The following DPP6 variants were observed in gnomAD, a reference collection of about 807,000 sequenced individuals.
DPP6 encodes the protein A-type potassium channel modulatory protein DPP6.
In DPP6, 69 loss-of-function variants were observed where a neutral mutation model predicts 122.6. That is an observed-to-expected ratio of 0.56 (90% CI 0.46 to 0.69). The LOEUF is 0.69. Ranked by LOEUF, DPP6 falls within the 30% of genes least tolerant of loss-of-function variation. The pLI is 0.00. For synonymous variants in DPP6, 418 were observed against 433.1 expected, an observed-to-expected ratio of 0.97 and a Z score of 0.43; for missense variants, 928 against 1,116.9, an observed-to-expected ratio of 0.83 and a Z score of 2.41.
intron 1 of DPP6, among the ~76,000 whole-genome samples, chr7:154,155,040 G>A (rs1322480724): frequency 2.0e-5 from 3 of 152,164 alleles, no homozygotes; most frequent in African/African-American, 2.4e-5. Context: ...ACAATCCCTC[G>A]ATCCTTGCCT....
At chr7:153,786,740 G>GAAAAAAA in the DPP6 span, among the ~76,000 whole-genome samples, 37 of 31,790 alleles carry the variant, frequency 1.2e-3, 1 homozygote, top group African/African-American at 2.1e-3. Context: ...CTCCGTCTCA[G>GAAAAAAA]AAAAAAAAAA....
intron 4 of DPP6, among the ~76,000 whole-genome samples, chr7:154,565,324 C>A (rs1830675465): frequency 6.6e-6 from 1 of 152,134 alleles, no homozygotes; most frequent in Non-Finnish European, 1.5e-5. Context: ...AACAAAGCAA[C>A]CATAAATAAC....
chr7:154,353,979 TA>T (rs1216158771), intron 1 of DPP6, among the ~76,000 whole-genome samples: 15 of 152,318 alleles, frequency 9.8e-5, no homozygotes, highest in Admixed American at 9.8e-4. Context: ...GGATGGGGCT[TA>T]TTCAGCACAT....
intron 1 of DPP6, among the ~76,000 whole-genome samples, chr7:154,193,668 G>A (rs10268648): frequency 0.042 from 6,450 of 152,182 alleles, 464 homozygotes; most frequent in African/African-American, 0.14. Flanking sequence ...TCTTCTCATG[G>A]TGGGCTCACA....
chr7:154,134,759 T>A (rs1300424400), intron 1 of DPP6, among the ~76,000 whole-genome samples: 1 of 152,090 alleles, frequency 6.6e-6, no homozygotes, highest in Non-Finnish European at 1.5e-5. Context: ...AGTGAACACC[T>A]CCTATGAGCC....
the DPP6 span, among the ~76,000 whole-genome samples, chr7:153,796,877 G>A: frequency 1.3e-5 from 2 of 152,316 alleles, no homozygotes; most frequent in Non-Finnish European, 2.9e-5. Context: ...TGGGTTTAGT[G>A]ACTTGCTTCT....
intron 1 of DPP6, among the ~76,000 whole-genome samples, chr7:154,322,882 C>T (rs1808098768): frequency 1.3e-5 from 2 of 152,222 alleles, no homozygotes; most frequent in East Asian, 1.9e-4. Context: ...ACACAACCGA[C>T]GTTATCAACC....
intron 1 of DPP6, among the ~76,000 whole-genome samples, chr7:153,934,756 T>C (rs1025310017): frequency 6.6e-6 from 1 of 151,886 alleles, no homozygotes; most frequent in East Asian, 2.0e-4. Context: ...CAAAACCCAC[T>C]TGCAGGAAAC....
chr7:154,529,232 G>T (rs1410852153), intron 3 of DPP6, among the ~76,000 whole-genome samples: 1 of 152,152 alleles, frequency 6.6e-6, no homozygotes, highest in East Asian at 1.9e-4. Context: ...AAATAATCCA[G>T]AGAGGGGATC....
chr7:153,975,002 C>T (rs989406883), intron 1 of DPP6, among the ~76,000 whole-genome samples: 25 of 152,254 alleles, frequency 1.6e-4, no homozygotes, highest in East Asian at 1.4e-3. Flanking sequence ...GCTAAGGCTT[C>T]GAATCCTGTT....
intron 1 of DPP6, among the ~76,000 whole-genome samples, chr7:153,938,262 G>C (rs1350067471): frequency 1.3e-5 from 2 of 152,200 alleles, no homozygotes; most frequent in Non-Finnish European, 2.9e-5. Context: ...CAGATGAGCA[G>C]GTAAGCTTTT....
chr7:154,107,024 G>A (rs2094450314), intron 1 of DPP6, among the ~76,000 whole-genome samples: 1 of 152,002 alleles, frequency 6.6e-6, no homozygotes, highest in African/African-American at 2.4e-5. Context: ...TAGTGTGGAG[G>A]TTCCTTAAAA....
At chr7:154,173,993 A>G (rs1374223509) in intron 1 of DPP6, among the ~76,000 whole-genome samples, 3 of 152,166 alleles carry the variant, frequency 2.0e-5, no homozygotes, top group East Asian at 1.9e-4. Flanking sequence ...TCTTTGAGAC[A>G]TGGGTGTCTT....
At chr7:154,668,197 T>TTTTATATATATATATATA (rs752665377) in intron 6 of DPP6, among the ~76,000 whole-genome samples, 4 of 36,482 alleles carry the variant, frequency 1.1e-4, no homozygotes, top group Non-Finnish European at 1.5e-4. Context: ...TGTGTATATT[T>TTTTATATATATATATATA]TATATATATA....
chr7:154,161,221 TA>T (rs1796964427), intron 1 of DPP6, among the ~76,000 whole-genome samples: 1 of 152,286 alleles, frequency 6.6e-6, no homozygotes, highest in Non-Finnish European at 1.5e-5. Flanking sequence ...TTGCTGCTGA[TA>T]AGAACACATT....
chr7:153,969,957 CCTT>C (rs1225047000), intron 1 of DPP6, among the ~76,000 whole-genome samples: 2 of 151,902 alleles, frequency 1.3e-5, no homozygotes, highest in African/African-American at 2.4e-5. Flanking sequence ...GGTCTGGCCT[CCTT>C]CTCAGTACAA....
In DPP6 at chr7:154,483,108, G is replaced by A. The variant is rs1301944031; in HGVS notation, c.457+8071G>A. ...GCCTCTCGGAGGGAAGAGGGGAAGA[G>A]GGACACGGAGGTGTCTGAGGAAGTG... On this transcript the variant is annotated intron_variant, in intron 3 of 25. Transcript: ENST00000377770. The surrounding 1 kb of genome is among the most constrained non-coding windows in gnomAD (Gnocchi z 8.1). Among the ~76,000 whole-genome samples the A allele has an allele frequency of 1.3e-5, 2 of 152,264 alleles. No homozygotes were observed. Among genetic ancestry groups the A allele is most frequent in the South Asian group, 2.1e-4 (1 of 4,820 alleles).
intron 3 of DPP6, among the ~76,000 whole-genome samples, chr7:154,476,751 C>A (rs755051641): frequency 6.0e-4 from 92 of 152,134 alleles, no homozygotes; most frequent in Admixed American, 1.3e-3. Flanking sequence ...AGCTGAGAAA[C>A]AATGCCCAGC....
rs546938233 is a variant in DPP6, at chr7:154,646,553, C to T, written c.680+8680C>T. Among the ~76,000 whole-genome samples the T allele has an allele frequency of 3.3e-5, 5 of 152,294 alleles. No homozygotes were observed. The South Asian group carries it at 1.0e-3, about 32-fold the overall frequency. ...ACCTGAATGCTGAGAGTCAATACTGCTTCTTATTTCACGCTAGAATTTATC... is the reference window on the plus strand; with the variant it reads ...ACCTGAATGCTGAGAGTCAATACTGTTTCTTATTTCACGCTAGAATTTATC... On this transcript the variant is annotated intron_variant, in intron 6 of 25. Transcript: ENST00000377770.
Sources: allele counts gnomAD v4.1 joint callset (sites outside exome capture counted in the v4.1 genomes callset), GRCh38; gene constraint gnomAD v4.1.1; non-coding constraint Gnocchi (gnomAD v3.1); transcripts MANE v1.5; gene names NCBI Gene and HGNC (gene_info 2026-07-23, HGNC 2026-07-21).